CDH8: variants seen among roughly 807,000 people sequenced by gnomAD.
The protein encoded by CDH8 is cadherin 8.
Under a neutral mutation model 68.1 loss-of-function variants are expected in CDH8, and 17 were observed. That is an observed-to-expected ratio of 0.25 (90% CI 0.17 to 0.37). CDH8 has a LOEUF of 0.37. Among genes scored for constraint, CDH8 ranks in the 10% least tolerant of loss-of-function variants. The pLI is 1.00. For missense variants in CDH8, 763 were observed against 999.3 expected, an observed-to-expected ratio of 0.76 and a Z score of 3.19; for synonymous variants, 372 against 365.1, an observed-to-expected ratio of 1.02 and a Z score of -0.21.
chr16:61,729,782 TAGAC>T lies in CDH8; in HGVS notation c.1415-2571_1415-2568del, dbSNP rs552017907. ...GGCTTAATAAACTGCATGTACAGAT[TAGAC>T]AGTGAATAATAGGGGCACAGTCTTA... On this transcript the variant is annotated intron_variant, in intron 8 of 11. Transcript: ENST00000577390. Among the ~76,000 whole-genome samples, 9 of 151,508 alleles carry T rather than the reference TAGAC, an allele frequency of 5.9e-5. No individual in the cohort carries two copies. In the East Asian group the frequency reaches 1.7e-3, roughly 29 times the overall value.
At chr16:62,026,875 G>A (rs1294508501) in intron 1 of CDH8, among the ~76,000 whole-genome samples, 1 of 152,232 alleles carries the variant, frequency 6.6e-6, no homozygotes, top group Non-Finnish European at 1.5e-5. Context: ...GAATGGCTTT[G>A]TAGAAACTTG....
At chr16:61,787,995 G>A (rs1203409129) in intron 8 of CDH8, among the ~76,000 whole-genome samples, 1 of 148,264 alleles carries the variant, frequency 6.7e-6, no homozygotes, top group African/African-American at 2.5e-5. Flanking sequence ...GCTAGATGAC[G>A]AGTTAGTGGG....
At chr16:61,759,339 AAAGAAGGAGG>A (rs955250259) in intron 8 of CDH8, among the ~76,000 whole-genome samples, 21 of 152,170 alleles carry the variant, frequency 1.4e-4, no homozygotes, top group African/African-American at 4.3e-4. Context: ...TAAAAAGAAG[AAAGAAGGAGG>A]AAGAAGGAGG....
intron 2 of CDH8, among the ~76,000 whole-genome samples, chr16:61,908,931 G>A (rs536139829): frequency 2.5e-3 from 376 of 151,970 alleles, no homozygotes; most frequent in Non-Finnish European, 4.0e-3. Flanking sequence ...CATAGTCTAA[G>A]GAAAAAATAT....
chr16:61,976,584 C>T (rs1265640452), intron 2 of CDH8, among the ~76,000 whole-genome samples: 3 of 152,148 alleles, frequency 2.0e-5, no homozygotes, highest in African/African-American at 7.2e-5. Flanking sequence ...ACAGACTTCT[C>T]ATTGATTCTA....
intron 3 of CDH8, among the ~76,000 whole-genome samples, chr16:61,864,185 T>C (rs1963207306): frequency 6.6e-6 from 1 of 152,164 alleles, no homozygotes; most frequent in Admixed American, 6.5e-5. Flanking sequence ...CAGAATTCAT[T>C]ATTTATTAGT....
intron 8 of CDH8, among the ~76,000 whole-genome samples, chr16:61,753,723 A>G (rs1960232750): frequency 6.6e-6 from 1 of 152,192 alleles, no homozygotes; most frequent in South Asian, 2.1e-4. Context: ...AGTCGGTAAA[A>G]AAGTACTACA....
At chr16:61,847,720 G>A (rs1369726490) in intron 4 of CDH8, among the ~76,000 whole-genome samples, 4 of 151,706 alleles carry the variant, frequency 2.6e-5, no homozygotes, top group African/African-American at 7.3e-5. Flanking sequence ...ATTGAGCACT[G>A]GAGATTTCTG....
intron 3 of CDH8, among the ~76,000 whole-genome samples, chr16:61,893,591 G>T (rs1173925394): frequency 6.6e-6 from 1 of 152,094 alleles, no homozygotes; most frequent in African/African-American, 2.4e-5. Context: ...TTTTGTGTGT[G>T]TGTAAATGGC....
intron 2 of CDH8, among the ~76,000 whole-genome samples, chr16:61,937,205 T>C (rs530849907): frequency 1.3e-5 from 2 of 152,316 alleles, no homozygotes; most frequent in Admixed American, 6.5e-5. Flanking sequence ...TTAATTAGTA[T>C]ACTTATACAT....
intron 2 of CDH8, among the ~76,000 whole-genome samples, chr16:61,990,851 C>G (rs533811899): frequency 5.0e-5 from 5 of 100,814 alleles, no homozygotes; most frequent in Admixed American, 4.2e-4. Context: ...AGAGATGGAA[C>G]GAAGGGAGGG....
At chr16:61,956,927 A>G (rs1964998007) in intron 2 of CDH8, among the ~76,000 whole-genome samples, 1 of 152,170 alleles carries the variant, frequency 6.6e-6, no homozygotes, top group African/African-American at 2.4e-5. Context: ...CCATATTCCT[A>G]GGTCAGTCCT....
chr16:61,846,479 T>C (rs905094518), intron 4 of CDH8, among the ~76,000 whole-genome samples: 1 of 152,090 alleles, frequency 6.6e-6, no homozygotes, highest in Non-Finnish European at 1.5e-5. Flanking sequence ...AAATTAAAAA[T>C]TAATCTAAAT....
chr16:61,984,707 A>G (rs1965597453), intron 2 of CDH8, among the ~76,000 whole-genome samples: 1 of 152,014 alleles, frequency 6.6e-6, no homozygotes, highest in Non-Finnish European at 1.5e-5. Context: ...TGCAGTAAAA[A>G]TTTTCATTTT....
At chr16:61,815,381 T>A (rs1049810612) in intron 7 of CDH8, among the ~76,000 whole-genome samples, 5 of 152,164 alleles carry the variant, frequency 3.3e-5, no homozygotes, top group Admixed American at 3.3e-4. Context: ...AAATCTCCAT[T>A]TTTACATCAG....
At position 61,657,190 on chromosome 16, in the gene CDH8, T is replaced by C. The variant is rs150818647; in HGVS notation, c.1655-1469A>G. ...ATCAGTATCCTATTGGTTTCCAAAA[T>C]ACTTAACTAAGTGAGATATCCCATT... is the stretch of plus-strand genomic sequence containing the variant. On this transcript the variant is annotated intron_variant, in intron 10 of 11. Transcript: ENST00000577390. Among the ~76,000 whole-genome samples the C allele has an allele frequency of 1.2e-3, 190 of 152,210 alleles. 2 individuals carry two copies. The East Asian group carries it at 0.031, about 25-fold the overall frequency.
intron 2 of CDH8, among the ~76,000 whole-genome samples, chr16:61,996,052 C>T (rs1965800409): frequency 6.6e-6 from 1 of 152,172 alleles, no homozygotes; most frequent in African/African-American, 2.4e-5. Context: ...ATGTCTCCTT[C>T]GCCTCCAGAC....
chr16:61,966,577 T>C (rs1246587589), intron 2 of CDH8, among the ~76,000 whole-genome samples: 1 of 151,920 alleles, frequency 6.6e-6, no homozygotes, highest in Non-Finnish European at 1.5e-5. Context: ...GAAAAGAATG[T>C]GGTTATTCAG....
intron 4 of CDH8, among the ~76,000 whole-genome samples, chr16:61,829,214 C>T (rs943174917): frequency 1.3e-5 from 2 of 151,770 alleles, no homozygotes; most frequent in Non-Finnish European, 2.9e-5. Context: ...TTAGAGATAT[C>T]GTTAAAGTAA....
Sources: gnomAD v4.1 joint callset for allele counts (sites outside exome capture counted in the v4.1 genomes callset) on GRCh38, gnomAD v4.1.1 for gene constraint, MANE v1.5 for transcripts, NCBI Gene and HGNC (gene_info 2026-07-23, HGNC 2026-07-21) for gene names.